Variants in CDH12 observed in about 807,000 individuals in gnomAD.
CDH12 encodes cadherin-12.
In CDH12, 41 loss-of-function variants were observed where a neutral mutation model predicts 74.1. The ratio of observed to expected loss-of-function variants is 0.55; its 90% CI spans 0.43 to 0.72. The LOEUF (loss-of-function observed/expected upper bound fraction) is 0.72. CDH12 is among the 30% of genes least tolerant of loss of function. CDH12 has a pLI of 0.00. For missense variants in CDH12, 945 were observed against 977.2 expected (o/e 0.97, Z 0.44); for synonymous variants, 399 against 355.0 (o/e 1.12, Z -1.39).
chr5:22,598,967 G>T (rs746011414), intron 1 of CDH12, among the ~76,000 whole-genome samples: 2 of 152,044 alleles, frequency 1.3e-5, no homozygotes, highest in Non-Finnish European at 2.9e-5. Flanking sequence ...TGATAATATT[G>T]CTATTACCTC....
intron 4 of CDH12, among the ~76,000 whole-genome samples, chr5:22,086,774 A>T (rs986445540): frequency 2.0e-5 from 3 of 152,200 alleles, no homozygotes; most frequent in Non-Finnish European, 4.4e-5. Context: ...GAAACTCAAC[A>T]TGGGACATCT....
intron 4 of CDH12, among the ~76,000 whole-genome samples, chr5:22,165,531 C>CAG (rs1491053413): frequency 2.0e-5 from 3 of 151,418 alleles, no homozygotes. Context: ...CACACACACA[C>CAG]AGACATTCCA....
At chr5:22,676,163 G>A (rs939745135) in intron 1 of CDH12, among the ~76,000 whole-genome samples, 2 of 150,688 alleles carry the variant, frequency 1.3e-5, no homozygotes, top group Non-Finnish European at 3.0e-5. Flanking sequence ...TCTCATTGTT[G>A]TAACAGTAAG....
intron 3 of CDH12, among the ~76,000 whole-genome samples, chr5:22,316,671 T>G: frequency 6.6e-6 from 1 of 152,138 alleles, no homozygotes; most frequent in East Asian, 1.9e-4. Context: ...CCTATGATTC[T>G]AACCCTAATT....
intron 1 of CDH12, among the ~76,000 whole-genome samples, chr5:22,644,689 T>C (rs896486370): frequency 6.6e-6 from 1 of 151,594 alleles, no homozygotes; most frequent in African/African-American, 2.4e-5. Context: ...TCAATGTAGA[T>C]GAACTAGCCT....
intron 1 of CDH12, among the ~76,000 whole-genome samples, chr5:22,810,838 G>A (rs1327002922): frequency 1.3e-5 from 2 of 151,898 alleles, no homozygotes; most frequent in South Asian, 2.1e-4. Context: ...GGCTATGATC[G>A]TACTCTGTAC....
intron 9 of CDH12, among the ~76,000 whole-genome samples, chr5:21,803,224 T>C (rs1006459271): frequency 6.6e-6 from 1 of 152,198 alleles, no homozygotes; most frequent in Admixed American, 6.5e-5. Context: ...TCTTATTTTA[T>C]GGCATCTTAT....
At chr5:22,288,734 C>T (rs1021076697) in intron 3 of CDH12, among the ~76,000 whole-genome samples, 1 of 152,084 alleles carries the variant, frequency 6.6e-6, no homozygotes, top group Non-Finnish European at 1.5e-5. Context: ...CCTTAGAAGA[C>T]AGTAGTCATT....
intron 6 of CDH12, among the ~76,000 whole-genome samples, chr5:21,877,670 G>C (rs1452827650): frequency 6.6e-6 from 1 of 152,172 alleles, no homozygotes; most frequent in Non-Finnish European, 1.5e-5. Context: ...TTTGTTGTCT[G>C]TTACAGAAAT....
intron 3 of CDH12, among the ~76,000 whole-genome samples, chr5:22,322,918 G>A (rs33999452): frequency 0.43 from 64,817 of 151,932 alleles, 13,841 homozygotes; most frequent in South Asian, 0.49. Flanking sequence ...CAGAGTAACT[G>A]AATTAAAATA....
chr5:22,656,869 G>T (rs1320528932), intron 1 of CDH12, among the ~76,000 whole-genome samples: 1 of 152,034 alleles, frequency 6.6e-6, no homozygotes, highest in Non-Finnish European at 1.5e-5. Context: ...ACAGGGCCTT[G>T]CTCTGTTGCT....
At chr5:22,268,002 T>C (rs1736213664) in intron 3 of CDH12, among the ~76,000 whole-genome samples, 1 of 152,164 alleles carries the variant, frequency 6.6e-6, no homozygotes, top group South Asian at 2.1e-4. Flanking sequence ...ATAAGATCAA[T>C]TCAGCATTTT....
chr5:21,864,802 G>T (rs1751241732), intron 6 of CDH12, among the ~76,000 whole-genome samples: 1 of 152,168 alleles, frequency 6.6e-6, no homozygotes, highest in Admixed American at 6.5e-5. Context: ...CAGAAGAAAA[G>T]AAATGTAGGT....
chr5:21,873,379 TG>T (rs2150022078), intron 6 of CDH12, among the ~76,000 whole-genome samples: 1 of 152,292 alleles, frequency 6.6e-6, no homozygotes, highest in South Asian at 2.1e-4. Context: ...AAGAGACATA[TG>T]CTGGGAACTT....
Position 22,192,101 on chromosome 5 carries a change from T to G in CDH12, c.-187+20397A>C, listed in dbSNP as rs190172000. Among the ~76,000 whole-genome samples the G allele has an allele frequency of 5.3e-5, 8 of 151,972 alleles. No homozygotes were observed. In the East Asian group the frequency reaches 1.6e-3, roughly 30 times the overall value. On this transcript the variant is annotated intron_variant, in intron 4 of 14. Transcript: ENST00000382254. ...TAGGAGGGCCACCATGCCCAGCTAA[T>G]TTTTGTTTTTTTGGTAGAGACAAGG...
chr5:21,779,849 C>G (rs1474105373), intron 11 of CDH12, among the ~76,000 whole-genome samples: 1 of 152,152 alleles, frequency 6.6e-6, no homozygotes, highest in Non-Finnish European at 1.5e-5. Flanking sequence ...ATAAAGTTTA[C>G]TTTTAAGCTG....
intron 3 of CDH12, among the ~76,000 whole-genome samples, chr5:22,342,726 CTCCT>C (rs1383510187): frequency 2.3e-5 from 3 of 132,966 alleles, no homozygotes; most frequent in African/African-American, 2.9e-5. Context: ...CTTTCTCTCT[CTCCT>C]TCCTTCCTTA....
intron 5 of CDH12, among the ~76,000 whole-genome samples, chr5:22,049,652 A>G (rs1443869435): frequency 3.9e-5 from 6 of 152,142 alleles, no homozygotes; most frequent in East Asian, 1.9e-4. Context: ...TCCTACTTCT[A>G]AAATTCTCTC....
chr5:21,833,024 T>C (rs1283256883), intron 8 of CDH12, among the ~76,000 whole-genome samples: 1 of 51,126 alleles, frequency 2.0e-5, no homozygotes, highest in Non-Finnish European at 3.2e-5. Context: ...TATGATATAA[T>C]ATATAATATA....
Sources: gnomAD v4.1 joint callset for allele counts (sites outside exome capture counted in the v4.1 genomes callset) on GRCh38, gnomAD v4.1.1 for gene constraint, MANE v1.5 for transcripts, NCBI Gene and HGNC (gene_info 2026-07-23, HGNC 2026-07-21) for gene names.